The following NEGR1 variants were observed in gnomAD, a reference collection of about 807,000 sequenced individuals.
NEGR1 encodes the protein IgLON family member 4.
In NEGR1, 10 loss-of-function variants were observed where a neutral mutation model predicts 40.9. That is an observed-to-expected ratio of 0.24 (90% CI 0.15 to 0.42). The LOEUF (loss-of-function observed/expected upper bound fraction) is 0.42, where lower values mean the gene tolerates loss of function less well. Ranked by LOEUF, NEGR1 falls within the 10% of genes least tolerant of loss-of-function variation. The pLI is 1.00. For missense variants in NEGR1, 352 were observed against 438.9 expected (o/e 0.80, Z 1.77); for synonymous variants, 185 against 166.8 (o/e 1.11, Z -0.84).
chr1:72,166,945 G>A (rs952981423), intron 1 of NEGR1, among the ~76,000 whole-genome samples: 4 of 151,918 alleles, frequency 2.6e-5, no homozygotes, highest in African/African-American at 9.7e-5. Context: ...ATACTTAAAT[G>A]GCTTGATTGA....
chr1:71,719,089 G>A (rs899206945), intron 3 of NEGR1, among the ~76,000 whole-genome samples: 12 of 152,218 alleles, frequency 7.9e-5, no homozygotes, highest in Non-Finnish European at 7.4e-5. Context: ...TCACTCTCTG[G>A]GGAAAGAGTT....
chr1:72,121,197 AC>A (rs1649792850), intron 1 of NEGR1, among the ~76,000 whole-genome samples: 2 of 151,920 alleles, frequency 1.3e-5, no homozygotes, highest in South Asian at 2.1e-4. Flanking sequence ...CTGCATACAC[AC>A]CCCAAAGCCA....
At chr1:72,043,783 G>GT (rs1365406309) in intron 1 of NEGR1, among the ~76,000 whole-genome samples, 2 of 151,908 alleles carry the variant, frequency 1.3e-5, no homozygotes, top group East Asian at 3.9e-4. Context: ...AAAAGCACTT[G>GT]TAACAGTACT....
intron 6 of NEGR1, among the ~76,000 whole-genome samples, chr1:71,581,342 T>C (rs1411917589): frequency 1.3e-5 from 2 of 152,194 alleles, no homozygotes; most frequent in African/African-American, 4.8e-5. Flanking sequence ...AAACGTAATG[T>C]GTCATGTCTG....
chr1:72,255,036 T>C (rs1655221112), intron 1 of NEGR1, among the ~76,000 whole-genome samples: 1 of 152,226 alleles, frequency 6.6e-6, no homozygotes, highest in South Asian at 2.1e-4. Flanking sequence ...TTAGATTTTC[T>C]ATTTTCTCAA....
chr1:71,793,290 A>ATATATATATATATATATACACATAATAT (rs1657186718), intron 2 of NEGR1, among the ~76,000 whole-genome samples: 1 of 2,836 alleles, frequency 3.5e-4, no homozygotes, highest in East Asian at 6.5e-3. Flanking sequence ...TTGTATTTTT[A>ATATATATATATATATATACACATAATAT]GTAGAGACAG....
chr1:72,248,064 C>T (rs1331098772), intron 1 of NEGR1, among the ~76,000 whole-genome samples: 2 of 152,092 alleles, frequency 1.3e-5, no homozygotes, highest in East Asian at 3.9e-4. Context: ...AAGTTGCTCA[C>T]TGCTGTGAAG....
At position 72,220,003 on chromosome 1, in the gene NEGR1, T is replaced by C. The variant is rs141569300; in HGVS notation, c.176+62316A>G. On this transcript the variant is annotated intron_variant, in intron 1 of 6. Transcript: ENST00000357731. ...CTACTGTCCAAAATTTCACTGAATA[T>C]ATACTTACTGAATCCCTGTTGTGCA... Among the ~76,000 whole-genome samples, 862 of 152,174 alleles carry C rather than the reference T, an allele frequency of 5.7e-3. 5 individuals carry two copies. The highest frequency in any genetic ancestry group is 7.5e-3 in the Non-Finnish European group (509 of 67,966).
In NEGR1 at chr1:71,641,492, C is replaced by T. The variant is rs539506094; in HGVS notation, c.668-30346G>A. Among the ~76,000 whole-genome samples the T allele has an allele frequency of 2.4e-4, 36 of 152,124 alleles. 1 individual carries two copies. The highest frequency in any genetic ancestry group is 2.0e-3 in the Admixed American group (31 of 15,264). Reference sequence around the variant, plus strand: ...GTGGGTTTCCTCTGTATTCTTTAAGCTGATCCTCCTGTCATGGAGTTTTAT... The same window carrying T: ...GTGGGTTTCCTCTGTATTCTTTAAGTTGATCCTCCTGTCATGGAGTTTTAT... On this transcript the variant is annotated intron_variant, in intron 4 of 6. Transcript: ENST00000357731.
intron 4 of NEGR1, among the ~76,000 whole-genome samples, chr1:71,651,808 A>C (rs1354517923): frequency 6.6e-6 from 1 of 152,144 alleles, no homozygotes; most frequent in African/African-American, 2.4e-5. Context: ...CTAGGTGCCA[A>C]GTACCTCACT....
At chr1:71,599,031 T>C (rs1649832407) in intron 5 of NEGR1, among the ~76,000 whole-genome samples, 1 of 152,326 alleles carries the variant, frequency 6.6e-6, no homozygotes, top group African/African-American at 2.4e-5. Flanking sequence ...AGAGTAATTG[T>C]TGCATGCTTG....
At chr1:71,503,745 C>A (rs1647013790) in intron 6 of NEGR1, among the ~76,000 whole-genome samples, 1 of 151,772 alleles carries the variant, frequency 6.6e-6, no homozygotes, top group Non-Finnish European at 1.5e-5. Flanking sequence ...TTTAGCAGAC[C>A]ATCTGGACCA....
intron 6 of NEGR1, among the ~76,000 whole-genome samples, chr1:71,562,895 C>T (rs1648505244): frequency 6.6e-6 from 1 of 151,952 alleles, no homozygotes; most frequent in Non-Finnish European, 1.5e-5. Context: ...ATATTCTTCT[C>T]ATGGCAGAGG....
chr1:71,498,850 C>G (rs1213066252), intron 6 of NEGR1, among the ~76,000 whole-genome samples: 1 of 152,102 alleles, frequency 6.6e-6, no homozygotes. Flanking sequence ...GGAATATATT[C>G]AGTAGAGATA....
chr1:72,163,137 T>C (rs1052316004), intron 1 of NEGR1, among the ~76,000 whole-genome samples: 5 of 152,184 alleles, frequency 3.3e-5, no homozygotes, highest in Non-Finnish European at 5.9e-5. Context: ...CACTAAATTG[T>C]TGCAGTGCAG....
chr1:72,198,674 TAAC>T (rs1351982972), intron 1 of NEGR1, among the ~76,000 whole-genome samples: 1 of 151,940 alleles, frequency 6.6e-6, no homozygotes, highest in African/African-American at 2.4e-5. Flanking sequence ...TTGATTATAA[TAAC>T]AACTAGAAGA....
chr1:72,189,171 A>G (rs1189958006), intron 1 of NEGR1, among the ~76,000 whole-genome samples: 1 of 151,326 alleles, frequency 6.6e-6, no homozygotes, highest in Non-Finnish European at 1.5e-5. Flanking sequence ...CTCTTATTTT[A>G]TTTTCCTTTT....
At chr1:71,547,175 AAACTCTT>A (rs1161021264) in intron 6 of NEGR1, among the ~76,000 whole-genome samples, 1 of 151,742 alleles carries the variant, frequency 6.6e-6, no homozygotes, top group African/African-American at 2.4e-5. Flanking sequence ...AGGAAGAGGA[AAACTCTT>A]TATGAATAGC....
chr1:71,877,632 C>A (rs891242870), intron 2 of NEGR1, among the ~76,000 whole-genome samples: 7 of 151,872 alleles, frequency 4.6e-5, no homozygotes, highest in Non-Finnish European at 1.0e-4. Flanking sequence ...AGGACTTTAA[C>A]GTATGAATTT....
Sources: gnomAD v4.1 joint callset for allele counts (sites outside exome capture counted in the v4.1 genomes callset) on GRCh38, gnomAD v4.1.1 for gene constraint, MANE v1.5 for transcripts, NCBI Gene and HGNC (gene_info 2026-07-23, HGNC 2026-07-21) for gene names.